The following SOX5 variants were observed in gnomAD, a reference collection of about 807,000 sequenced individuals.
SOX5 encodes the protein SRY-box transcription factor 5.
A neutral mutation model predicts 92.0 loss-of-function variants in SOX5; 9 were observed. That is an observed-to-expected ratio of 0.10 (90% CI 0.06 to 0.17). SOX5 has a LOEUF of 0.17. Among genes scored for constraint, SOX5 ranks in the 10% least tolerant of loss-of-function variants. The pLI, the probability that SOX5 is intolerant of heterozygous loss-of-function variation, is 1.00. For missense variants in SOX5, 642 were observed against 944.5 expected (o/e 0.68, Z 4.20); for synonymous variants, 344 against 336.3 (o/e 1.02, Z -0.25).
intron 1 of SOX5, among the ~76,000 whole-genome samples, chr12:24,476,420 C>A (rs1219787847): frequency 1.3e-5 from 2 of 152,170 alleles, no homozygotes; most frequent in Non-Finnish European, 2.9e-5. Flanking sequence ...CCAGAGAACT[C>A]AACTAGAACC....
intron 8 of SOX5, among the ~76,000 whole-genome samples, chr12:23,627,594 T>G (rs1034541575): frequency 6.6e-6 from 1 of 152,128 alleles, no homozygotes; most frequent in Non-Finnish European, 1.5e-5. Context: ...GTGTGTGCCA[T>G]GTCATTTAAT....
At chr12:23,938,908 G>A (rs986051292) in intron 1 of SOX5, among the ~76,000 whole-genome samples, 5 of 150,946 alleles carry the variant, frequency 3.3e-5, no homozygotes, top group African/African-American at 1.2e-4. Flanking sequence ...ATAATTTGCA[G>A]ATATCTGACT....
intron 13 of SOX5, among the ~76,000 whole-genome samples, chr12:23,538,799 C>CTTTTTTTT (rs67268404): frequency 2.8e-5 from 3 of 108,128 alleles, no homozygotes; most frequent in East Asian, 5.7e-4. Flanking sequence ...CCAGCATTTT[C>CTTTTTTTT]TTTTTTTTTT....
At position 23,579,539 on chromosome 12, in the gene SOX5, TC is replaced by T. The variant is rs1565997165; in HGVS notation, c.1165-3702del. On this transcript the variant is annotated intron_variant, in intron 9 of 14. Coordinates refer to ENST00000451604, the MANE Select transcript of SOX5 (RefSeq NM_006940.6). ...GAAGAATACAAAAATTACACTAGTT[TC>T]CCATTTTCTATTAATTATTTTTCAT... Among the ~76,000 whole-genome samples the T allele has an allele frequency of 2.0e-5, 3 of 152,276 alleles. No homozygotes were observed. In the East Asian group the frequency reaches 5.8e-4, roughly 29 times the overall value.
chr12:24,250,261 G>A (rs1939764799), intron 3 of SOX5, among the ~76,000 whole-genome samples: 1 of 152,102 alleles, frequency 6.6e-6, no homozygotes. Flanking sequence ...AATCATCCTC[G>A]ATATAATTTA....
chr12:24,271,191 G>A (rs934607148), intron 3 of SOX5, among the ~76,000 whole-genome samples: 10 of 152,108 alleles, frequency 6.6e-5, no homozygotes, highest in African/African-American at 1.7e-4. Context: ...ACTGCTAGAC[G>A]TTCTACTTTT....
intron 4 of SOX5, among the ~76,000 whole-genome samples, chr12:23,968,465 G>T (rs1947842290): frequency 6.6e-6 from 1 of 152,170 alleles, no homozygotes; most frequent in South Asian, 2.1e-4. Flanking sequence ...CTCATGAATG[G>T]ATTAATGCTG....
intron 2 of SOX5, among the ~76,000 whole-genome samples, chr12:24,344,859 C>G (rs1565949153): frequency 6.6e-6 from 1 of 152,174 alleles, no homozygotes; most frequent in African/African-American, 2.4e-5. Context: ...AAAATGTACT[C>G]TTATCAGCAA....
chr12:24,094,016 G>A (rs1375748281), intron 4 of SOX5, among the ~76,000 whole-genome samples: 2 of 151,686 alleles, frequency 1.3e-5, no homozygotes, highest in Non-Finnish European at 2.9e-5. Flanking sequence ...GTGTGATCTC[G>A]GCTCACTGCA....
intron 8 of SOX5, among the ~76,000 whole-genome samples, chr12:23,609,252 C>T (rs527300837): frequency 6.6e-6 from 1 of 152,136 alleles, no homozygotes; most frequent in African/African-American, 2.4e-5. Flanking sequence ...AGGCTACACT[C>T]ACCTTATGGA....
intron 3 of SOX5, among the ~76,000 whole-genome samples, chr12:23,822,249 T>C (rs1170264120): frequency 6.6e-6 from 1 of 152,240 alleles, no homozygotes; most frequent in Non-Finnish European, 1.5e-5. Context: ...CACTTTCTCC[T>C]GTGGGCATTT....
chr12:23,722,677 A>G (rs1275317588), intron 6 of SOX5, among the ~76,000 whole-genome samples: 3 of 152,206 alleles, frequency 2.0e-5, no homozygotes, highest in Non-Finnish European at 2.9e-5. Flanking sequence ...ACAATTCTAT[A>G]TACATCACTT....
At chr12:24,255,046 C>T (rs183902643) in intron 3 of SOX5, among the ~76,000 whole-genome samples, 24 of 152,230 alleles carry the variant, frequency 1.6e-4, no homozygotes, top group Admixed American at 4.6e-4. Context: ...AAGAACGGTA[C>T]TGCCCTCTTT....
chr12:23,983,213 GT>G (rs1161175064), intron 4 of SOX5, among the ~76,000 whole-genome samples: 1 of 151,474 alleles, frequency 6.6e-6, no homozygotes, highest in Non-Finnish European at 1.5e-5. Flanking sequence ...CTTTATATCA[GT>G]GATATGAAGC....
rs58384963 is a variant in SOX5, at chr12:24,245,235, T to TTGTGTGTG, written c.-76-31826_-76-31819dup. On this transcript the variant is annotated intron_variant, in intron 3 of 4. Coordinates refer to the SOX5 transcript ENST00000446891. The stretch of plus-strand genomic sequence containing the variant: ...GAGCATCATTTGTGTTTGGAGAGAT[T>TTGTGTGTG]TGTGTGTGTGTGTGTGTGTGTGTGT... 4.9e-3 allele frequency among the ~76,000 whole-genome samples: 701 copies of TTGTGTGTG among 144,352 alleles called. 5 individuals carry two copies. Among genetic ancestry groups the TTGTGTGTG allele is most frequent in the Middle Eastern group, 0.014 (4 of 282 alleles). 94.7% of individuals were successfully genotyped at this position (144,352 alleles called of 152,430 possible).
At chr12:23,796,779 T>TAAATAC (rs1176454107) in intron 3 of SOX5, among the ~76,000 whole-genome samples, 2 of 151,364 alleles carry the variant, frequency 1.3e-5, no homozygotes, top group Admixed American at 6.6e-5. Flanking sequence ...ATAGTGTATT[T>TAAATAC]ACTCATTCTT....
chr12:24,519,588 C>T (rs1212804972), intron 1 of SOX5, among the ~76,000 whole-genome samples: 1 of 152,068 alleles, frequency 6.6e-6, no homozygotes. Flanking sequence ...TGGAAAAATG[C>T]TAGGAGTATT....
At chr12:24,257,011 T>C (rs889371470) in intron 3 of SOX5, among the ~76,000 whole-genome samples, 1 of 152,090 alleles carries the variant, frequency 6.6e-6, no homozygotes, top group South Asian at 2.1e-4. Context: ...AGGAATACAA[T>C]AGAGCACTTC....
intron 4 of SOX5, among the ~76,000 whole-genome samples, chr12:24,047,262 A>C (rs1957132548): frequency 6.6e-6 from 1 of 152,216 alleles, no homozygotes; most frequent in South Asian, 2.1e-4. Flanking sequence ...ATCTAGAAAT[A>C]TATTTTCCTG....
Sources: gnomAD v4.1 joint callset for allele counts (sites outside exome capture counted in the v4.1 genomes callset) on GRCh38, gnomAD v4.1.1 for gene constraint, MANE v1.5 for transcripts, NCBI Gene and HGNC (gene_info 2026-07-23, HGNC 2026-07-21) for gene names.